Variants in PUDP observed in about 807,000 individuals in gnomAD.
PUDP encodes the protein pseudouridine 5'-phosphatase.
A neutral mutation model predicts 9.4 loss-of-function variants in PUDP; 8 were observed. That is an observed-to-expected ratio of 0.85 (90% CI 0.50 to 1.53). The LOEUF (loss-of-function observed/expected upper bound fraction) is 1.53. PUDP is among the 40% of genes most tolerant of loss of function. The pLI is 0.00. For missense variants in PUDP, 188 were observed against 189.7 expected (o/e 0.99, Z 0.05); for synonymous variants, 99 against 80.7 (o/e 1.23, Z -1.22).
At chrX:7,031,045 A>T (rs181982918) in intron 1 of PUDP, among the ~76,000 whole-genome samples, 1 of 111,372 alleles carries the variant, frequency 9.0e-6, no homozygotes, top group Non-Finnish European at 1.9e-5. Flanking sequence ...TGATGTTGCC[A>T]TGGCATTTGT....
chrX:6,752,695 G>C (rs1052975325), intron 3 of PUDP, among the ~76,000 whole-genome samples: 2 of 110,932 alleles, frequency 1.8e-5, no homozygotes, highest in Non-Finnish European at 3.8e-5. Context: ...AGGAGGGAAG[G>C]ATAGGAATGT....
At chrX:6,927,866 G>C (rs1358523979) in intron 3 of PUDP, among the ~76,000 whole-genome samples, 1 of 110,782 alleles carries the variant, frequency 9.0e-6, no homozygotes, top group Non-Finnish European at 1.9e-5. Context: ...GGAAGGAATG[G>C]ATCAGGAACA....
At chrX:7,054,126 A>T (rs1930173808) in intron 3 of PUDP, among the ~76,000 whole-genome samples, 1 of 112,158 alleles carries the variant, frequency 8.9e-6, no homozygotes, top group Non-Finnish European at 1.9e-5. Context: ...CACAATAAGA[A>T]GGTGACGTAG....
chrX:7,030,194 C>T (rs12007903), intron 1 of PUDP, among the ~76,000 whole-genome samples: 22,230 of 110,220 alleles, frequency 0.2, 1,760 homozygotes, highest in South Asian at 0.32. Flanking sequence ...CAAGACCTAC[C>T]AGGGGCTTTA....
chrX:7,052,120 C>T (rs960579611), intron 3 of PUDP, among the ~76,000 whole-genome samples: 1 of 109,605 alleles, frequency 9.1e-6, no homozygotes, highest in African/African-American at 3.3e-5. Flanking sequence ...GCAGCCTCTA[C>T]CTCCCAGGCT....
At chrX:6,806,307 C>A (rs1302486755) in intron 3 of PUDP, among the ~76,000 whole-genome samples, 1 of 110,788 alleles carries the variant, frequency 9.0e-6, no homozygotes, top group African/African-American at 3.3e-5. Flanking sequence ...AGAGTAGACT[C>A]GGTGAAATTT....
intron 3 of PUDP, among the ~76,000 whole-genome samples, chrX:6,963,498 T>C (rs1928737540): frequency 1.8e-5 from 2 of 111,850 alleles, no homozygotes; most frequent in Admixed American, 9.5e-5. Flanking sequence ...AACTGAATTA[T>C]AGGACACCTA....
At chrX:7,019,335 A>G (rs1351415563) in intron 1 of PUDP, among the ~76,000 whole-genome samples, 6 of 112,261 alleles carry the variant, frequency 5.3e-5, no homozygotes, top group Non-Finnish European at 1.1e-4. Context: ...TGAAGAAAAT[A>G]AAACTCTTTT....
intron 1 of PUDP, among the ~76,000 whole-genome samples, chrX:7,129,131 GTA>G (rs1414579456): frequency 1.8e-5 from 2 of 111,988 alleles, no homozygotes; most frequent in Admixed American, 9.5e-5. Context: ...GAGAATGCAA[GTA>G]TATGGGAAAG....
chrX:6,846,971 A>G (rs921866550), intron 3 of PUDP, among the ~76,000 whole-genome samples: 1 of 111,571 alleles, frequency 9.0e-6, no homozygotes, highest in African/African-American at 3.3e-5. Context: ...TAATCCATCT[A>G]AAGTCCAGCT....
chrX:6,726,257 T>C (rs1440275445), upstream of PUDP, among the ~76,000 whole-genome samples: 1 of 111,528 alleles, frequency 9.0e-6, no homozygotes, highest in African/African-American at 3.3e-5. Context: ...CTACTGTGGT[T>C]ACTAAAGGCT....
At chrX:7,121,885 G>C (rs1356242273) in intron 1 of PUDP, among the ~76,000 whole-genome samples, 3 of 112,224 alleles carry the variant, frequency 2.7e-5, no homozygotes, top group African/African-American at 9.7e-5. Flanking sequence ...TGTAGATATT[G>C]GGGTTAAAGA....
chrX:6,774,575 A>T (rs749386937), intron 3 of PUDP, among the ~76,000 whole-genome samples: 1 of 111,811 alleles, frequency 8.9e-6, no homozygotes, highest in Non-Finnish European at 1.9e-5. Context: ...GCCTATGTCA[A>T]CCTCAGGGAT....
intron 1 of PUDP, among the ~76,000 whole-genome samples, chrX:7,009,322 G>A (rs1486443017): frequency 8.9e-6 from 1 of 112,113 alleles, no homozygotes; most frequent in East Asian, 2.8e-4. Context: ...TAGGAAAGTA[G>A]GGAAGCAGTG....
At chrX:6,890,646 C>A (rs1602661199) in intron 3 of PUDP, among the ~76,000 whole-genome samples, 2 of 110,793 alleles carry the variant, frequency 1.8e-5, no homozygotes. Flanking sequence ...GAGTAGACTG[C>A]TGCAGTGCTG....
At chrX:6,972,592 T>A (rs1472699541) in intron 3 of PUDP, among the ~76,000 whole-genome samples, 1 of 112,288 alleles carries the variant, frequency 8.9e-6, no homozygotes, top group Non-Finnish European at 1.9e-5. Context: ...TTTGATGTGC[T>A]GCTGGATTCA....
Position 7,032,150 on chromosome X carries a change from G to T in PUDP, c.204+45070C>A, listed in dbSNP as rs766700926. 6.2e-5 allele frequency among the ~76,000 whole-genome samples: 7 copies of T among 112,305 alleles called. No individual in the cohort carries two copies. The South Asian group carries it at 2.6e-3, about 41-fold the overall frequency. On this transcript the variant is annotated intron_variant and NMD_transcript_variant, in intron 1 of 3. Transcript: ENST00000655425. ...CAAATAGCTAGCAATCACATGAAAA[G>T]ATGCTCAATATTATTAGTTATCAAG...
At chrX:6,810,647 A>G (rs1926128215) in intron 3 of PUDP, among the ~76,000 whole-genome samples, 1 of 112,151 alleles carries the variant, frequency 8.9e-6, no homozygotes, top group South Asian at 3.7e-4. Flanking sequence ...ATTCAGAATT[A>G]TTAGAAGTCC....
chrX:6,875,345 C>T (rs907403279), intron 3 of PUDP, among the ~76,000 whole-genome samples: 1 of 111,866 alleles, frequency 8.9e-6, no homozygotes, highest in Non-Finnish European at 1.9e-5. Context: ...GCCACTGCAC[C>T]CGGCCCAAAG....
Sources: gnomAD v4.1 joint callset for allele counts (sites outside exome capture counted in the v4.1 genomes callset) on GRCh38, gnomAD v4.1.1 for gene constraint, MANE v1.5 for transcripts, NCBI Gene and HGNC (gene_info 2026-07-23, HGNC 2026-07-21) for gene names.